Variants in NFIC observed in about 807,000 individuals in gnomAD.
The protein encoded by NFIC is nuclear factor 1 C-type.
In NFIC, 12 loss-of-function variants were observed where a neutral mutation model predicts 54.4. The observed-to-expected ratio is 0.22, with a 90% CI of 0.14 to 0.36. The LOEUF (loss-of-function observed/expected upper bound fraction) is 0.36. NFIC is among the 10% of genes least tolerant of loss of function. NFIC has a pLI of 1.00. For missense variants in NFIC, 575 were observed against 718.2 expected, an observed-to-expected ratio of 0.80 and a Z score of 2.28; for synonymous variants, 322 against 319.2, an observed-to-expected ratio of 1.01 and a Z score of -0.09.
At chr19:3,364,970 T>A (rs2080862724), upstream of NFIC, among the ~76,000 whole-genome samples, 1 of 152,116 alleles carries the variant, frequency 6.6e-6, no homozygotes, top group African/African-American at 2.4e-5. Context: ...GCACAGTGGG[T>A]TTAAAATACA....
chr19:3,367,821 C>T (rs1353461449), intron 1 of NFIC, among the ~76,000 whole-genome samples: 5 of 152,146 alleles, frequency 3.3e-5, no homozygotes, highest in Non-Finnish European at 7.4e-5. Flanking sequence ...AGGGCCAGGC[C>T]CGTCTTAAGA....
intron 9 of NFIC, among the ~76,000 whole-genome samples, chr19:3,456,233 C>T (rs2082552578): frequency 6.6e-6 from 1 of 152,248 alleles, no homozygotes; most frequent in Non-Finnish European, 1.5e-5. Context: ...GCTGCCCACC[C>T]TGAATAATTC....
chr19:3,362,654 C>CTT (rs2080825498), upstream of NFIC, among the ~76,000 whole-genome samples: 2 of 152,034 alleles, frequency 1.3e-5, no homozygotes, highest in African/African-American at 4.8e-5. Context: ...TCTGTACCAG[C>CTT]CTCAACGGCC....
At chr19:3,435,008 T>G (rs1459215681) in intron 5 of NFIC, 75 bp from the exon 6 acceptor site, 1 of 1,472,064 alleles carries the variant, frequency 6.8e-7, no homozygotes, top group African/African-American at 1.4e-5. Flanking sequence ...GGACCGGAAG[T>G]AGCAAAGCCC....
chr19:3,417,136 T>C (rs12980202), intron 2 of NFIC, among the ~76,000 whole-genome samples: 101,367 of 149,908 alleles, frequency 0.68, 35,801 homozygotes, highest in East Asian at 0.9. Flanking sequence ...CCGCCCGCCT[T>C]GGCCTCCCAA....
At chr19:3,454,009 C>T in intron 9 of NFIC, 93 bp downstream of exon 9, 1 of 1,412,246 alleles carries the variant, frequency 7.1e-7, no homozygotes, top group Admixed American at 3.2e-5. Flanking sequence ...GAGGTCAGGC[C>T]CGACCCTGCA....
chr19:3,379,037 C>T (rs2081153879), intron 1 of NFIC, among the ~76,000 whole-genome samples: 2 of 152,038 alleles, frequency 1.3e-5, no homozygotes, highest in African/African-American at 4.8e-5. Flanking sequence ...TAGGAACAAG[C>T]TTTCGTAGTC....
chr19:3,444,944 C>T (rs1212848137), intron 6 of NFIC, among the ~76,000 whole-genome samples: 2 of 152,200 alleles, frequency 1.3e-5, no homozygotes, highest in Admixed American at 6.5e-5. Flanking sequence ...CATGAACATG[C>T]ATGTGCAGGC....
Position 3,381,880 on chromosome 19 carries a change from G to A in NFIC, c.199G>A (p.Glu67Lys). ...VKDELLGEKP[E>K]VKQKWASRLL... is the part of the protein sequence containing the mutation. ...GGACGAGCTGCTGGGCGAGAAGCCC[G>A]AGGTCAAGCAGAAGTGGGCGTCGCG... Residue 67 changes from glutamate to lysine, a missense_variant, in exon 2 of 11, where the codon GAG becomes AAG. By Grantham distance (56) the Glu-to-Lys change is moderately conservative (BLOSUM62 1). Coordinates refer to ENST00000443272, the MANE Select transcript of NFIC (RefSeq NM_001245002.2). 1 of 1,613,988 alleles carries A rather than the reference G, an allele frequency of 6.2e-7. No individual in the cohort carries two copies. Among genetic ancestry groups the A allele is most frequent in the Non-Finnish European group, 8.5e-7 (1 of 1,179,962 alleles).
rs1223236383 is a variant in NFIC, at chr19:3,429,251, T to TACACACACACACAC, written c.634+4075_634+4076insCACACACACACACA. ...TACCCCAAAAAAAAAAAAAAAAATA[T>TACACACACACACAC]ATACACACACACACACACACACACA... On this transcript the variant is annotated intron_variant, in intron 3 of 10. Coordinates refer to ENST00000443272, the MANE Select transcript of NFIC (RefSeq NM_001245002.2). Among the ~76,000 whole-genome samples, 23 of 27,586 alleles carry TACACACACACACAC rather than the reference T, an allele frequency of 8.3e-4. 4 individuals carry two copies. Among genetic ancestry groups the TACACACACACACAC allele is most frequent in the African/African-American group, 1.6e-3 (12 of 7,724 alleles). The allele number at this position is 27,586 out of a possible 152,430, so 18.1% of individuals were successfully genotyped here.
At chr19:3,377,265 T>G (rs2081124022) in intron 1 of NFIC, among the ~76,000 whole-genome samples, 1 of 128,816 alleles carries the variant, frequency 7.8e-6, no homozygotes, top group African/African-American at 3.1e-5. Flanking sequence ...ACCCGGGAGG[T>G]AGAGTTTGCA....
Position 3,464,153 on chromosome 19 carries a change from G to C in NFIC, c.*1384G>C. 7.1e-6 allele frequency: 7 copies of C among 985,318 alleles called. No individual in the cohort carries two copies. Among genetic ancestry groups the C allele is most frequent in the Non-Finnish European group, 8.4e-6 (7 of 829,896 alleles). The allele number at this position is 985,318 out of a possible 1,614,324, so 61.0% of individuals were successfully genotyped here. On this transcript the variant is annotated 3_prime_UTR_variant, in exon 11 of 11. Coordinates refer to ENST00000443272, the MANE Select transcript of NFIC (RefSeq NM_001245002.2). ...TGGTGCCTCCCAGCGAAGGGGGACCGCCGTTTGCACTTTCATCGCCTACCC... is the reference window on the plus strand; with the variant it reads ...TGGTGCCTCCCAGCGAAGGGGGACCCCCGTTTGCACTTTCATCGCCTACCC...
chr19:3,427,084 A>G (rs1001581661), intron 3 of NFIC, among the ~76,000 whole-genome samples: 1 of 149,508 alleles, frequency 6.7e-6, no homozygotes, highest in Non-Finnish European at 1.5e-5. Context: ...CCACCACCAC[A>G]CCCGGGTAAT....
intron 7 of NFIC, among the ~76,000 whole-genome samples, chr19:3,451,207 C>T (rs1187923043): frequency 6.6e-6 from 1 of 152,196 alleles, no homozygotes; most frequent in Non-Finnish European, 1.5e-5. Context: ...AAAAAGGCCA[C>T]ACAGCATGTG....
At chr19:3,462,321 G>T (rs544806670) in intron 10 of NFIC, among the ~76,000 whole-genome samples, 2 of 152,158 alleles carry the variant, frequency 1.3e-5, no homozygotes, top group South Asian at 4.1e-4. Context: ...GGCAGAGGTT[G>T]TAGTGAGCCA....
intron 2 of NFIC, among the ~76,000 whole-genome samples, chr19:3,424,781 T>C (rs1184741590): frequency 6.6e-6 from 1 of 152,204 alleles, no homozygotes; most frequent in Admixed American, 6.6e-5. Context: ...CATCAGTCTG[T>C]TAAGATTCCA....
rs2082741979 is a variant in NFIC at position 3,468,185 on chromosome 19, G to GCCCCCCCCCCCCCCCCA, written c.*5420_*5421insCCCCCCCCCCCCACCCC. Reference sequence around the variant, plus strand: ...GCTGGTGTGGCTTTGGGATTCTCCTGCCCCACCCCCCCGTCCATGGCAGCC... The same window carrying GCCCCCCCCCCCCCCCCA: ...GCTGGTGTGGCTTTGGGATTCTCCTGCCCCCCCCCCCCCCCCACCCCACCCCCCCGTCCATGGCAGCC... On this transcript the variant is annotated 3_prime_UTR_variant, in exon 11 of 11. Coordinates refer to ENST00000443272, the MANE Select transcript of NFIC (RefSeq NM_001245002.2). 1 of 150,582 alleles carries GCCCCCCCCCCCCCCCCA rather than the reference G, an allele frequency of 6.6e-6. No individual in the cohort carries two copies. Among genetic ancestry groups the GCCCCCCCCCCCCCCCCA allele is most frequent in the Admixed American group, 6.6e-5 (1 of 15,048 alleles). The allele number at this position is 150,582 out of a possible 1,614,324, so 9.3% of individuals were successfully genotyped here.
rs1308213351 is a variant in NFIC at position 3,458,899 on chromosome 19, C to G, written c.1509+2264C>G. Among the ~76,000 whole-genome samples the G allele has an allele frequency of 6.6e-6, 1 of 152,044 alleles. No homozygotes were observed. Among genetic ancestry groups the G allele is most frequent in the Non-Finnish European group, 1.5e-5 (1 of 67,996 alleles). ...GCATGGGTTAGGGGGAAGGCGAGGT[C>G]CCCAAACTGGGCATCCAGGGAGCAC... On this transcript the variant is annotated intron_variant, in intron 10 of 10. Coordinates refer to ENST00000443272, the MANE Select transcript of NFIC (RefSeq NM_001245002.2). This position sits in a 1 kb window ranked among gnomAD's most constrained non-coding sequence, Gnocchi z 4.1.
rs2082716182 is a variant in NFIC at position 3,466,298 on chromosome 19, G to A, written c.*3529G>A. 6.6e-6 allele frequency: 1 copy of A among 151,672 alleles called. No homozygotes were observed. Among genetic ancestry groups the A allele is most frequent in the South Asian group, 2.1e-4 (1 of 4,820 alleles). 9.4% of individuals were successfully genotyped at this position (151,672 alleles called of 1,614,324 possible). A position where few individuals can be genotyped will look rare whatever the true frequency, so the allele number is the denominator to read the frequency against. ...TTACTTGACCAAAGCTAAGACAATAGCCAGATGGTTAGTGGGGCAGCCAGG... is the reference window on the plus strand; with the variant it reads ...TTACTTGACCAAAGCTAAGACAATAACCAGATGGTTAGTGGGGCAGCCAGG... On this transcript the variant is annotated 3_prime_UTR_variant, in exon 11 of 11. Transcript: ENST00000443272. This position sits in a 1 kb window ranked among gnomAD's most constrained non-coding sequence, Gnocchi z 4.8.
Sources: allele counts gnomAD v4.1 joint callset (sites outside exome capture counted in the v4.1 genomes callset), GRCh38; gene constraint gnomAD v4.1.1; non-coding constraint Gnocchi (gnomAD v3.1); transcripts MANE v1.5; gene names NCBI Gene and HGNC (gene_info 2026-07-23, HGNC 2026-07-21).